Variants in ADGRA3 observed in about 807,000 individuals in gnomAD.
ADGRA3 encodes G-protein coupled receptor 125.
ADGRA3 carries 56 observed loss-of-function variants against 119.8 expected under a neutral mutation model. The observed-to-expected ratio is 0.47, with a 90% confidence interval of 0.38 to 0.58. ADGRA3 has a LOEUF of 0.58. ADGRA3 is among the 20% of genes least tolerant of loss of function. The pLI is 0.00. For synonymous variants in ADGRA3, 607 were observed against 623.8 expected, an observed-to-expected ratio of 0.97 and a Z score of 0.40; for missense variants, 1,516 against 1,649.0, an observed-to-expected ratio of 0.92 and a Z score of 1.40.
chr4:22,468,389 G>A (rs1160591193), intron 2 of ADGRA3, among the ~76,000 whole-genome samples: 2 of 152,160 alleles, frequency 1.3e-5, no homozygotes, highest in African/African-American at 2.4e-5. Flanking sequence ...TGTCAGCAGT[G>A]AAGAGAATAT....
At chr4:22,437,260 T>C (rs1455363362) in intron 8 of ADGRA3, among the ~76,000 whole-genome samples, 2 of 152,196 alleles carry the variant, frequency 1.3e-5, no homozygotes, top group African/African-American at 2.4e-5. Context: ...TAAATGTTGA[T>C]TTCCATATAT....
At chr4:22,514,480 C>A (rs970613652) in intron 1 of ADGRA3, 1 of 152,150 alleles carries the variant, frequency 6.6e-6, no homozygotes, top group African/African-American at 2.4e-5. Flanking sequence ...TATACTCCTG[C>A]TGAATTTGGG....
intron 14 of ADGRA3, among the ~76,000 whole-genome samples, chr4:22,412,148 A>G (rs1436487164): frequency 2.0e-5 from 3 of 152,178 alleles, no homozygotes; most frequent in African/African-American, 7.2e-5. Flanking sequence ...TGGAATCAGA[A>G]ATAACATAGA....
In ADGRA3 at chr4:22,435,458, G is replaced by C. The variant is rs371893231; in HGVS notation, c.1296C>G (p.Leu432=). 6.3e-7 allele frequency: 1 copy of C among 1,591,946 alleles called. No individual in the cohort carries two copies. Among genetic ancestry groups the C allele is most frequent in the African/African-American group, 1.3e-5 (1 of 74,798 alleles). ...CTGTTGCCACGGCATTGGTAAGATT[G>C]AGGGGCATCTACATTTCAAAGGCAA... ...RVLYMFNQMP[L]NLTNAVATAR... The change falls in exon 10 of 19, where the codon CTC becomes CTG. Residue 432 remains leucine, a synonymous_variant. Coordinates refer to ENST00000334304, the MANE Select transcript of ADGRA3 (RefSeq NM_145290.4).
At position 22,438,470 on chromosome 4, in the gene ADGRA3, A is replaced by C. The variant is rs200090615; in HGVS notation, c.921-50T>G. The C allele has an allele frequency of 1.1e-4, 157 of 1,472,770 alleles. No individual in the cohort carries two copies. In the African/African-American group the frequency reaches 1.8e-3, roughly 17 times the overall value. 91.2% of individuals were successfully genotyped at this position (1,472,770 alleles called of 1,614,324 possible). A position where few individuals can be genotyped will look rare whatever the true frequency, so the allele number is the denominator to read the frequency against. On this transcript the variant is annotated intron_variant, in intron 7 of 18. Coordinates refer to ENST00000334304, the MANE Select transcript of ADGRA3 (RefSeq NM_145290.4). ...GAGAGAAAATATAATTAGGCAAAAA[A>C]GGAGACAATAATGGGTCTCAATCAT...
intron 6 of ADGRA3, chr4:22,443,242 A>G (rs1716693759): frequency 4.0e-6 from 2 of 503,162 alleles, no homozygotes; most frequent in Non-Finnish European, 6.9e-6. Context: ...CTTTGATTAC[A>G]ACACGAGTTT....
At chr4:22,408,114 G>T (rs1233128048) in intron 14 of ADGRA3, among the ~76,000 whole-genome samples, 1 of 151,908 alleles carries the variant, frequency 6.6e-6, no homozygotes, top group East Asian at 1.9e-4. Flanking sequence ...CAAATTTAAA[G>T]ATTTTATTCT....
chr4:22,493,428 A>G (rs909253409), intron 1 of ADGRA3, among the ~76,000 whole-genome samples: 1 of 152,220 alleles, frequency 6.6e-6, no homozygotes. Context: ...TGTCCCTTGC[A>G]ACATAACAGT....
At chr4:22,424,116 C>A in intron 11 of ADGRA3, 75 bp downstream of exon 11, 2 of 1,281,244 alleles carry the variant, frequency 1.6e-6, no homozygotes, top group Non-Finnish European at 2.1e-6. Flanking sequence ...ATGGAGAAGA[C>A]ACCTATCTCT....
At position 22,451,702 on chromosome 4, in the gene ADGRA3, G is replaced by C. The variant is rs552803019; in HGVS notation, c.473+3164C>G. ...TGAGAATGCCTAGGCTGTCCGCCAA[G>C]GTCTCATCATCCCTTAGCCAAGGAA... On this transcript the variant is annotated intron_variant, in intron 4 of 18. Transcript: ENST00000334304. 3.9e-5 allele frequency among the ~76,000 whole-genome samples: 6 copies of C among 152,144 alleles called. No homozygotes were observed. The East Asian group carries it at 9.7e-4, about 24-fold the overall frequency.
rs559065340 is a variant in ADGRA3 at position 22,485,868 on chromosome 4, T to C, written c.258-12025A>G. Among the ~76,000 whole-genome samples, 16 of 152,324 alleles carry C rather than the reference T, an allele frequency of 1.1e-4. No homozygotes were observed. The South Asian group carries it at 1.2e-3, about 12-fold the overall frequency. On this transcript the variant is annotated intron_variant, in intron 1 of 18. Coordinates refer to ENST00000334304, the MANE Select transcript of ADGRA3 (RefSeq NM_145290.4). ...TTGTTGCAGAAGCAAACTGGACCAC[T>C]ATCCCCTCAGAGCCAGACTGAGAGC...
At chr4:22,485,832 GC>G (rs2109140717) in intron 1 of ADGRA3, among the ~76,000 whole-genome samples, 1 of 152,248 alleles carries the variant, frequency 6.6e-6, no homozygotes, top group African/African-American at 2.4e-5. Flanking sequence ...TTAAAACTAA[GC>G]TAAATGGCCT....
chr4:22,494,607 AACT>A (rs1190350625), intron 1 of ADGRA3, among the ~76,000 whole-genome samples: 1 of 151,924 alleles, frequency 6.6e-6, no homozygotes, highest in African/African-American at 2.4e-5. Flanking sequence ...CAATCAAGAA[AACT>A]ACTACACATA....
chr4:22,443,428 C>G (rs748761932), intron 6 of ADGRA3, among the ~76,000 whole-genome samples: 7 of 151,784 alleles, frequency 4.6e-5, no homozygotes, highest in Admixed American at 1.3e-4. Context: ...ACAAATGACA[C>G]TAGTTCATTA....
At chr4:22,502,234 A>G (rs992021872) in intron 1 of ADGRA3, among the ~76,000 whole-genome samples, 5 of 152,228 alleles carry the variant, frequency 3.3e-5, no homozygotes, top group Admixed American at 3.3e-4. Context: ...CAAATGCAAT[A>G]ATTAGTAAGT....
At chr4:22,404,067 C>A (rs986488473) in intron 14 of ADGRA3, among the ~76,000 whole-genome samples, 1 of 152,184 alleles carries the variant, frequency 6.6e-6, no homozygotes, top group African/African-American at 2.4e-5. Context: ...GACACCTCTA[C>A]CCTGGCCACC....
chr4:22,413,148 T>C (rs779644294), intron 14 of ADGRA3, 34 bp downstream of exon 14: 7 of 1,456,590 alleles, frequency 4.8e-6, no homozygotes, highest in Non-Finnish European at 2.9e-6. Context: ...AAATGTAGAA[T>C]AGTGTTTATG....
At position 22,509,413 on chromosome 4, in the gene ADGRA3, G is replaced by A. The variant is rs1719359319; in HGVS notation, c.257+6115C>T. Among the ~76,000 whole-genome samples the A allele has an allele frequency of 1.3e-5, 2 of 151,634 alleles. 1 individual carries two copies. Among genetic ancestry groups the A allele is most frequent in the South Asian group, 4.2e-4 (2 of 4,798 alleles). On this transcript the variant is annotated intron_variant, in intron 1 of 18. Transcript: ENST00000334304. Reference sequence around the variant, plus strand: ...AGCTACTCGGGGCGCTGAGGCAGGAGAATCGCTTGAACCTGGGAGGCGGAG... The same window carrying A: ...AGCTACTCGGGGCGCTGAGGCAGGAAAATCGCTTGAACCTGGGAGGCGGAG...
At chr4:22,464,687 C>T (rs1049909405) in intron 2 of ADGRA3, among the ~76,000 whole-genome samples, 1 of 152,152 alleles carries the variant, frequency 6.6e-6, no homozygotes, top group African/African-American at 2.4e-5. Context: ...TGAGAGTCAA[C>T]CCATGAAGGT....
Sources: allele counts gnomAD v4.1 joint callset (sites outside exome capture counted in the v4.1 genomes callset), GRCh38; gene constraint gnomAD v4.1.1; transcripts MANE v1.5; gene names NCBI Gene and HGNC (gene_info 2026-07-23, HGNC 2026-07-21).